EDDM3A: variants seen among roughly 807,000 people sequenced by gnomAD.
EDDM3A encodes the protein epididymal protein 3A.
For synonymous variants in EDDM3A, 75 were observed against 60.4 expected, an observed-to-expected ratio of 1.24 and a Z score of -1.12; for missense variants, 199 against 177.4, an observed-to-expected ratio of 1.12 and a Z score of -0.69.
At chr14:20,738,506 T>TAAATAAATAAATAAATAAATAAAC in the EDDM3A span, among the ~76,000 whole-genome samples, 1 of 144,426 alleles carries the variant, frequency 6.9e-6, no homozygotes, top group African/African-American at 2.6e-5. Context: ...AATAAATAAA[T>TAAATAAATAAATAAATAAATAAAC]AAACAGTAGC....
At chr14:20,742,613 G>C (rs933302094), upstream of EDDM3A, among the ~76,000 whole-genome samples, 3 of 151,886 alleles carry the variant, frequency 2.0e-5, no homozygotes, top group Non-Finnish European at 2.9e-5. Context: ...TTTTGTTTTT[G>C]AGAGACAGGG....
upstream of EDDM3A, among the ~76,000 whole-genome samples, chr14:20,741,079 A>G (rs1421075452): frequency 3.3e-5 from 5 of 152,164 alleles, no homozygotes; most frequent in African/African-American, 1.2e-4. Flanking sequence ...TCTCTTCTAT[A>G]TTATTTTCTT....
the EDDM3A span, among the ~76,000 whole-genome samples, chr14:20,736,792 T>A: frequency 6.6e-6 from 1 of 151,764 alleles, no homozygotes; most frequent in Non-Finnish European, 1.5e-5. Context: ...CTCACTGTAA[T>A]CTCCTCCTGC....
the EDDM3A span, among the ~76,000 whole-genome samples, chr14:20,738,274 C>A: frequency 2.0e-5 from 3 of 152,060 alleles, no homozygotes; most frequent in Non-Finnish European, 4.4e-5. Context: ...GAGATTGAGA[C>A]CATGCTGGCC....
At chr14:20,742,419 T>C (rs1176230431), upstream of EDDM3A, among the ~76,000 whole-genome samples, 1 of 152,228 alleles carries the variant, frequency 6.6e-6, no homozygotes, top group Admixed American at 6.5e-5. Flanking sequence ...TATCTGGACT[T>C]CTCTTAACTG....
At chr14:20,747,284 T>C (rs1038360822) in intron 1 of EDDM3A, among the ~76,000 whole-genome samples, 15 of 152,162 alleles carry the variant, frequency 9.9e-5, no homozygotes, top group African/African-American at 3.6e-4. Flanking sequence ...TTAGTAGAGA[T>C]GGGGTTTCAC....
the EDDM3A span, among the ~76,000 whole-genome samples, chr14:20,739,499 G>A: frequency 6.6e-6 from 1 of 152,148 alleles, no homozygotes; most frequent in African/African-American, 2.4e-5. Flanking sequence ...CAATTGTCAT[G>A]AGATCCAAGC....
At chr14:20,739,417 T>C in the EDDM3A span, among the ~76,000 whole-genome samples, 10 of 152,348 alleles carry the variant, frequency 6.6e-5, no homozygotes, top group Admixed American at 4.6e-4. Context: ...CTTAGGGACC[T>C]GTCTTCCTCT....
rs1877664297 is a variant in EDDM3A, at chr14:20,748,084, C to T, written c.*60C>T. The T allele has an allele frequency of 7.4e-7, 1 of 1,345,774 alleles. No individual in the cohort carries two copies. Among genetic ancestry groups the T allele is most frequent in the Admixed American group, 2.3e-5 (1 of 43,330 alleles). The allele number at this position is 1,345,774 out of a possible 1,614,324, so 83.4% of individuals were successfully genotyped here. On this transcript the variant is annotated 3_prime_UTR_variant, in exon 2 of 2. Transcript: ENST00000326842. ...ATTCAGTGCTTCCAAAGTGGTGGGC[C>T]CTGCCTCCATCAATAGCCCCTGCCA...
Position 20,748,193 on chromosome 14 carries a change from G to C in EDDM3A, c.*169G>C. On this transcript the variant is annotated 3_prime_UTR_variant, in exon 2 of 2. Transcript: ENST00000326842. Reference sequence around the variant, plus strand: ...TGATTTCTTGATACCAAATCTTTGTGTGGTTTCTGTATCTGTAATACAATT... The same window carrying C: ...TGATTTCTTGATACCAAATCTTTGTCTGGTTTCTGTATCTGTAATACAATT... The C allele has an allele frequency of 1.8e-6, 1 of 564,050 alleles. No individual in the cohort carries two copies. The highest frequency in any genetic ancestry group is 3.1e-6 in the Non-Finnish European group (1 of 321,200). 34.9% of individuals were successfully genotyped at this position (564,050 alleles called of 1,614,324 possible).
In EDDM3A at chr14:20,748,087, G is replaced by C. The variant is rs1877664479; in HGVS notation, c.*63G>C. The C allele has an allele frequency of 1.5e-6, 2 of 1,296,136 alleles. No homozygotes were observed. Among genetic ancestry groups the C allele is most frequent in the Admixed American group, 2.3e-5 (1 of 42,854 alleles). 80.3% of individuals were successfully genotyped at this position (1,296,136 alleles called of 1,614,324 possible). ...CAGTGCTTCCAAAGTGGTGGGCCCT[G>C]CCTCCATCAATAGCCCCTGCCACTC... On this transcript the variant is annotated 3_prime_UTR_variant, in exon 2 of 2. Transcript: ENST00000326842.
chr14:20,747,191 C>A (rs959271863), intron 1 of EDDM3A, among the ~76,000 whole-genome samples: 1 of 151,038 alleles, frequency 6.6e-6, no homozygotes. Flanking sequence ...GCAACCTCCG[C>A]CTCCCAGGTT....
upstream of EDDM3A, among the ~76,000 whole-genome samples, chr14:20,742,742 A>G (rs1019920991): frequency 6.6e-6 from 1 of 151,056 alleles, no homozygotes; most frequent in Non-Finnish European, 1.5e-5. Flanking sequence ...ACGTGCTACC[A>G]CTACTGGCCT....
upstream of EDDM3A, among the ~76,000 whole-genome samples, chr14:20,744,094 TCTG>T (rs1237163449): frequency 1.3e-5 from 2 of 152,176 alleles, no homozygotes; most frequent in Non-Finnish European, 2.9e-5. Context: ...TGGAAAGAGC[TCTG>T]GATGTGTGGG....
upstream of EDDM3A, among the ~76,000 whole-genome samples, chr14:20,743,306 T>G (rs1483759053): frequency 6.6e-6 from 1 of 152,158 alleles, no homozygotes; most frequent in Non-Finnish European, 1.5e-5. Flanking sequence ...TCCCAGCACT[T>G]TGAGAGGCCA....
intron 1 of EDDM3A, among the ~76,000 whole-genome samples, chr14:20,747,019 C>T (rs769803218): frequency 2.3e-4 from 33 of 145,328 alleles, no homozygotes; most frequent in Non-Finnish European, 4.3e-4. Context: ...TTGAAATTCT[C>T]AAAAGGTACT....
the EDDM3A span, among the ~76,000 whole-genome samples, chr14:20,738,277 T>C: frequency 1.3e-5 from 2 of 151,998 alleles, no homozygotes; most frequent in Non-Finnish European, 2.9e-5. Flanking sequence ...ATTGAGACCA[T>C]GCTGGCCAAC....
At chr14:20,747,139 T>A (rs1428064992) in intron 1 of EDDM3A, among the ~76,000 whole-genome samples, 9 of 151,110 alleles carry the variant, frequency 6.0e-5, no homozygotes, top group African/African-American at 1.9e-4. Context: ...GTTTTGCTTT[T>A]GTCACCCAGG....
Position 20,747,979 on chromosome 14 carries a change from T to C in EDDM3A, c.399T>C (p.Val133=). The C allele has an allele frequency of 2.5e-6, 4 of 1,612,834 alleles. No homozygotes were observed. In the South Asian group the frequency reaches 4.4e-5, roughly 18 times the overall value. The part of the protein sequence containing the change: ...IEFHCGVDGY[V]DNIEDLRIIE... ...TCCATTGTGGCGTAGATGGATATGT[T>C]GATAACATAGAAGACCTGAGGATTA... is the stretch of plus-strand genomic sequence containing the variant. The change falls in exon 2 of 2, where the codon GTT becomes GTC. Residue 133 remains valine (V), a synonymous_variant. Coordinates refer to ENST00000326842, the MANE Select transcript of EDDM3A (RefSeq NM_006683.5).
Sources: allele counts gnomAD v4.1 joint callset (sites outside exome capture counted in the v4.1 genomes callset), GRCh38; gene constraint gnomAD v4.1.1; transcripts MANE v1.5; gene names NCBI Gene and HGNC (gene_info 2026-07-23, HGNC 2026-07-21).